Variants in ENOX1 observed in about 807,000 individuals in gnomAD.
ENOX1 encodes the protein ecto-NOX disulfide-thiol exchanger 1.
In ENOX1, 42 loss-of-function variants were observed where a neutral mutation model predicts 82.5. The ratio of observed to expected loss-of-function variants is 0.51; its 90% CI spans 0.40 to 0.66. The LOEUF (loss-of-function observed/expected upper bound fraction) is 0.66. ENOX1 is among the 30% of genes least tolerant of loss of function. The pLI, the probability that ENOX1 is intolerant of heterozygous loss-of-function variation, is 0.00. For synonymous variants in ENOX1, 271 were observed against 282.2 expected (o/e 0.96, Z 0.40); for missense variants, 608 against 811.6 (o/e 0.75, Z 3.05).
chr13:43,326,066 T>TAA (rs879684580), intron 10 of ENOX1, among the ~76,000 whole-genome samples: 3 of 144,590 alleles, frequency 2.1e-5, no homozygotes, highest in Non-Finnish European at 3.1e-5. Context: ...CGTAGAACAC[T>TAA]AAAAAAAAAA....
intron 3 of ENOX1, among the ~76,000 whole-genome samples, chr13:43,432,937 C>T (rs2055774013): frequency 6.6e-6 from 1 of 152,030 alleles, no homozygotes; most frequent in African/African-American, 2.4e-5. Context: ...GTCAATAAAA[C>T]ACATCCACAC....
chr13:43,643,633 G>GTGTA lies in ENOX1; in HGVS notation c.-219+23845_-219+23846insTACA, dbSNP rs746890211. On this transcript the variant is annotated intron_variant, in intron 2 of 16. Coordinates refer to ENST00000690772, the MANE Select transcript of ENOX1 (RefSeq NM_001347969.2). ...CATGTATATGTATGTATGTGTGTGT[G>GTGTA]TATATATATATATATACACACACAT... Among the ~76,000 whole-genome samples, 8 of 148,932 alleles carry GTGTA rather than the reference G, an allele frequency of 5.4e-5. No individual in the cohort carries two copies. The South Asian group carries it at 6.4e-4, about 12-fold the overall frequency.
chr13:43,418,597 G>T (rs2054781929), intron 3 of ENOX1, among the ~76,000 whole-genome samples: 1 of 152,136 alleles, frequency 6.6e-6, no homozygotes, highest in African/African-American at 2.4e-5. Flanking sequence ...TTCTCTCTAG[G>T]TTTTTTCTGC....
intron 2 of ENOX1, among the ~76,000 whole-genome samples, chr13:43,641,528 A>G (rs1423759525): frequency 3.0e-4 from 20 of 65,640 alleles, no homozygotes; most frequent in Non-Finnish European, 2.5e-4. Context: ...ATTAATTTTT[A>G]ATTTTTTTTT....
intron 1 of ENOX1, among the ~76,000 whole-genome samples, chr13:43,726,877 G>T (rs1594588236): frequency 6.6e-6 from 1 of 151,984 alleles, no homozygotes. Flanking sequence ...GAGGAGCTGG[G>T]ATTACAGGCA....
chr13:43,271,307 G>A (rs1278178805), intron 12 of ENOX1, among the ~76,000 whole-genome samples: 1 of 152,082 alleles, frequency 6.6e-6, no homozygotes, highest in Admixed American at 6.6e-5. Context: ...AGATGAAGTT[G>A]CACAAATGTC....
intron 10 of ENOX1, among the ~76,000 whole-genome samples, chr13:43,323,976 G>A (rs1254021162): frequency 6.6e-6 from 1 of 152,230 alleles, no homozygotes; most frequent in Non-Finnish European, 1.5e-5. Flanking sequence ...AGAAAGCAGA[G>A]AGACAAGGTC....
At chr13:43,768,839 G>A (rs372175445) in intron 1 of ENOX1, among the ~76,000 whole-genome samples, 17 of 152,010 alleles carry the variant, frequency 1.1e-4, no homozygotes, top group African/African-American at 3.9e-4. Flanking sequence ...CGATTTCCTC[G>A]TTGTCTGCCT....
chr13:43,263,611 A>G (rs2044206380), intron 14 of ENOX1, among the ~76,000 whole-genome samples: 1 of 152,242 alleles, frequency 6.6e-6, no homozygotes, highest in Non-Finnish European at 1.5e-5. Context: ...CAATCAGCAG[A>G]TCAATTTATA....
intron 1 of ENOX1, among the ~76,000 whole-genome samples, chr13:43,785,816 G>A (rs1393998837): frequency 6.6e-6 from 1 of 152,162 alleles, no homozygotes; most frequent in African/African-American, 2.4e-5. Context: ...CGCGAGCCCC[G>A]GGTGTCCAAC....
chr13:43,371,295 T>C (rs558997081), intron 5 of ENOX1, among the ~76,000 whole-genome samples: 2 of 152,238 alleles, frequency 1.3e-5, no homozygotes, highest in Admixed American at 6.5e-5. Flanking sequence ...AAGTCGCTAA[T>C]TTTTATACAT....
intron 12 of ENOX1, among the ~76,000 whole-genome samples, chr13:43,298,027 C>T (rs1363342068): frequency 3.9e-5 from 6 of 152,218 alleles, no homozygotes; most frequent in Non-Finnish European, 5.9e-5. Flanking sequence ...TTACAAAATG[C>T]TTGTATCATG....
intron 2 of ENOX1, among the ~76,000 whole-genome samples, chr13:43,593,257 C>G (rs749826304): frequency 1.5e-4 from 23 of 152,142 alleles, no homozygotes; most frequent in Non-Finnish European, 2.8e-4. Flanking sequence ...AATGCATCCT[C>G]AGGCCTACCT....
At chr13:43,355,527 C>T (rs1330335493) in intron 8 of ENOX1, among the ~76,000 whole-genome samples, 1 of 152,208 alleles carries the variant, frequency 6.6e-6, no homozygotes, top group Non-Finnish European at 1.5e-5. Flanking sequence ...AAGAACGCCC[C>T]ACCAATGGCA....
intron 2 of ENOX1, among the ~76,000 whole-genome samples, chr13:43,602,014 T>C (rs1372683409): frequency 6.6e-6 from 1 of 152,042 alleles, no homozygotes; most frequent in Non-Finnish European, 1.5e-5. Flanking sequence ...ACATGGAAAT[T>C]AGACAATAAG....
intron 9 of ENOX1, among the ~76,000 whole-genome samples, chr13:43,335,049 G>C (rs557379147): frequency 2.2e-4 from 34 of 152,190 alleles, no homozygotes; most frequent in Non-Finnish European, 4.3e-4. Context: ...AAGGGGGCTA[G>C]GCTAGACCAT....
intron 8 of ENOX1, among the ~76,000 whole-genome samples, chr13:43,345,598 T>C (rs1594061034): frequency 6.6e-6 from 1 of 151,850 alleles, no homozygotes; most frequent in South Asian, 2.1e-4. Flanking sequence ...GGCTTGGAGG[T>C]GGAGAAAAAG....
chr13:43,317,535 T>A (rs888421195), intron 11 of ENOX1, among the ~76,000 whole-genome samples: 4 of 150,914 alleles, frequency 2.7e-5, no homozygotes, highest in Admixed American at 2.0e-4. Flanking sequence ...GAGAGCCCTA[T>A]TATTATTATT....
intron 11 of ENOX1, among the ~76,000 whole-genome samples, chr13:43,304,081 G>A (rs1163274502): frequency 6.6e-6 from 1 of 152,224 alleles, no homozygotes; most frequent in African/African-American, 2.4e-5. Context: ...TGGGAAGGCA[G>A]CCCTGTTGCA....
Sources: gnomAD v4.1 joint callset for allele counts (sites outside exome capture counted in the v4.1 genomes callset) on GRCh38, gnomAD v4.1.1 for gene constraint, MANE v1.5 for transcripts, NCBI Gene and HGNC (gene_info 2026-07-23, HGNC 2026-07-21) for gene names.